Variants in BOLL observed in about 807,000 individuals in gnomAD.
BOLL encodes protein boule-like.
A neutral mutation model predicts 44.4 loss-of-function variants in BOLL; 23 were observed. The ratio of observed to expected loss-of-function variants is 0.52; its 90% confidence interval spans 0.37 to 0.73. BOLL has a LOEUF of 0.73. Ranked by LOEUF, BOLL falls within the 30% of genes least tolerant of loss-of-function variation. BOLL has a pLI of 0.00. For missense variants in BOLL, 287 were observed against 338.3 expected (o/e 0.85, Z 1.19); for synonymous variants, 97 against 110.8 (o/e 0.88, Z 0.78).
intron 7 of BOLL, among the ~76,000 whole-genome samples, chr2:197,758,171 AAT>A (rs1165575962): frequency 1.3e-5 from 2 of 152,192 alleles, no homozygotes; most frequent in African/African-American, 4.8e-5. Flanking sequence ...GAGAAATAAA[AAT>A]ATGTGTTCAC....
chr2:197,739,662 A>C (rs1173900780), intron 10 of BOLL, among the ~76,000 whole-genome samples: 1 of 152,198 alleles, frequency 6.6e-6, no homozygotes, highest in Non-Finnish European at 1.5e-5. Context: ...TTAAAGAGTA[A>C]GATACCAGTT....
intron 9 of BOLL, among the ~76,000 whole-genome samples, chr2:197,743,978 T>A (rs999328208): frequency 6.6e-6 from 1 of 152,038 alleles, no homozygotes; most frequent in African/African-American, 2.4e-5. Flanking sequence ...CCCGGCTAAT[T>A]TTTTGTATTT....
intron 4 of BOLL, among the ~76,000 whole-genome samples, chr2:197,776,374 A>G (rs1028117250): frequency 6.6e-6 from 1 of 151,924 alleles, no homozygotes; most frequent in African/African-American, 2.4e-5. Context: ...TGAACCAGTA[A>G]TCTGTTATAT....
intron 10 of BOLL, among the ~76,000 whole-genome samples, chr2:197,731,005 A>G (rs889624604): frequency 1.6e-4 from 24 of 152,094 alleles, no homozygotes; most frequent in Admixed American, 6.5e-4. Context: ...TCCAATTAAA[A>G]GACACAGACT....
At chr2:197,748,555 G>T (rs1688091268) in intron 9 of BOLL, among the ~76,000 whole-genome samples, 1 of 152,178 alleles carries the variant, frequency 6.6e-6, no homozygotes, top group Admixed American at 6.5e-5. Flanking sequence ...AGGGGTTGGG[G>T]CATCTGCCAT....
At chr2:197,766,261 C>T (rs1688993750) in intron 7 of BOLL, among the ~76,000 whole-genome samples, 1 of 151,952 alleles carries the variant, frequency 6.6e-6, no homozygotes, top group Non-Finnish European at 1.5e-5. Context: ...TACTGCTTTC[C>T]ACAATGGTTG....
At chr2:197,772,081 T>C in intron 5 of BOLL, 99 bp from the exon 6 acceptor site, 1 of 941,992 alleles carries the variant, frequency 1.1e-6, no homozygotes, top group Non-Finnish European at 1.4e-6. Flanking sequence ...TTAATATACC[T>C]ATGTAGCTAT....
At position 197,769,514 on chromosome 2, in the gene BOLL, G is replaced by C. The variant is rs112526218; in HGVS notation, c.480+2341C>G. Among the ~76,000 whole-genome samples the C allele has an allele frequency of 6.2e-3, 950 of 152,208 alleles. 17 individuals are homozygous for C. The highest frequency in any genetic ancestry group is 0.021 in the African/African-American group (888 of 41,530). ...AGTTCTGGCCAGGGCAATCAGGCAG[G>C]AGAAAGAAATAAAGGGTATTCAATT... On this transcript the variant is annotated intron_variant, in intron 6 of 10. Coordinates refer to ENST00000392296, the MANE Select transcript of BOLL (RefSeq NM_033030.6).
At chr2:197,764,078 C>T (rs1688882359) in intron 7 of BOLL, among the ~76,000 whole-genome samples, 1 of 152,158 alleles carries the variant, frequency 6.6e-6, no homozygotes. Flanking sequence ...AACTCTTATA[C>T]ACTGTTACTA....
intron 9 of BOLL, among the ~76,000 whole-genome samples, chr2:197,749,378 G>A (rs1326453582): frequency 2.6e-5 from 4 of 152,046 alleles, no homozygotes; most frequent in South Asian, 4.1e-4. Context: ...AAAACTGGAC[G>A]GAGAATGAGT....
At chr2:197,762,276 G>A (rs1239025843) in intron 7 of BOLL, among the ~76,000 whole-genome samples, 10 of 152,080 alleles carry the variant, frequency 6.6e-5, no homozygotes, top group Admixed American at 4.6e-4. Context: ...CCTGGGAGGC[G>A]GAGGTTGCAG....
Position 197,728,520 on chromosome 2 carries a change from A to C in BOLL, c.*35T>G. The C allele has an allele frequency of 6.2e-7, 1 of 1,614,182 alleles. No individual in the cohort carries two copies. The highest frequency in any genetic ancestry group is 8.5e-7 in the Non-Finnish European group (1 of 1,179,998). The stretch of plus-strand genomic sequence containing the variant: ...GCCACGCAAGGATCATTGGACAAGA[A>C]ATCAGTTGAGCTGGAATAGAGCTGC... On this transcript the variant is annotated 3_prime_UTR_variant, in exon 11 of 11. Coordinates refer to ENST00000392296, the MANE Select transcript of BOLL (RefSeq NM_033030.6).
At chr2:197,765,417 A>G (rs1459536349) in intron 7 of BOLL, among the ~76,000 whole-genome samples, 1 of 152,096 alleles carries the variant, frequency 6.6e-6, no homozygotes, top group East Asian at 1.9e-4. Flanking sequence ...AATGTTTTAT[A>G]CCACTATAGG....
chr2:197,749,915 T>A (rs1688159057), intron 9 of BOLL, among the ~76,000 whole-genome samples: 1 of 150,298 alleles, frequency 6.7e-6, no homozygotes, highest in Non-Finnish European at 1.5e-5. Context: ...GAGAAGAGTT[T>A]GGTGGGAAGC....
intron 3 of BOLL, among the ~76,000 whole-genome samples, chr2:197,778,590 T>C (rs983223511): frequency 4.6e-5 from 7 of 151,904 alleles, no homozygotes; most frequent in Non-Finnish European, 2.9e-5. Context: ...CAGACATTTC[T>C]TGGTGTCAGC....
At chr2:197,772,130 C>G (rs1021292920) in intron 5 of BOLL, 148 bp from the exon 6 acceptor site, 2 of 620,438 alleles carry the variant, frequency 3.2e-6, no homozygotes, top group East Asian at 7.5e-5. Context: ...TAAAAAATTC[C>G]TTATGTCAAA....
At chr2:197,759,209 G>A (rs192090329) in intron 7 of BOLL, among the ~76,000 whole-genome samples, 3 of 152,188 alleles carry the variant, frequency 2.0e-5, no homozygotes, top group Admixed American at 1.3e-4. Context: ...GCAAATCCAG[G>A]AGCGCAGCAT....
In BOLL at chr2:197,728,540, A is replaced by G. The variant is rs201724583; in HGVS notation, c.*15T>C. 2 of 1,614,024 alleles carry G rather than the reference A, an allele frequency of 1.2e-6. No homozygotes were observed. Among genetic ancestry groups the G allele is most frequent in the East Asian group, 4.5e-5 (2 of 44,880 alleles). On this transcript the variant is annotated 3_prime_UTR_variant, in exon 11 of 11. Coordinates refer to ENST00000392296, the MANE Select transcript of BOLL (RefSeq NM_033030.6). Reference sequence around the variant, plus strand: ...CAAGAAATCAGTTGAGCTGGAATAGAGCTGCCCAATTGTCTTAATAATGAA... The same window carrying G: ...CAAGAAATCAGTTGAGCTGGAATAGGGCTGCCCAATTGTCTTAATAATGAA...
At chr2:197,730,526 TTGAAA>T (rs1433085858) in intron 10 of BOLL, among the ~76,000 whole-genome samples, 1 of 147,066 alleles carries the variant, frequency 6.8e-6, no homozygotes. Context: ...TTCACCAAAG[TTGAAA>T]TGAAGGAAAA....
Sources: allele counts gnomAD v4.1 joint callset (sites outside exome capture counted in the v4.1 genomes callset), GRCh38; gene constraint gnomAD v4.1.1; transcripts MANE v1.5; gene names NCBI Gene and HGNC (gene_info 2026-07-23, HGNC 2026-07-21).